Variants in PXK observed in about 807,000 individuals in gnomAD.
PXK encodes the protein PX domain-containing protein kinase-like protein.
PXK carries 35 observed loss-of-function variants against 84.7 expected under a neutral mutation model. The observed-to-expected ratio is 0.41, with a 90% CI of 0.32 to 0.55. The LOEUF (loss-of-function observed/expected upper bound fraction) is 0.55. PXK is among the 20% of genes least tolerant of loss of function. The pLI is 0.21. For missense variants in PXK, 634 were observed against 699.7 expected (o/e 0.91, Z 1.06); for synonymous variants, 253 against 260.8 (o/e 0.97, Z 0.29).
intron 3 of PXK, among the ~76,000 whole-genome samples, chr3:58,377,605 TA>T (rs536644701): frequency 2.1e-3 from 253 of 118,072 alleles, no homozygotes; most frequent in East Asian, 3.5e-3. Flanking sequence ...TATCTCTTTC[TA>T]AAAAAAAAAA....
At chr3:58,346,946 C>T (rs1237727733) in intron 1 of PXK, among the ~76,000 whole-genome samples, 5 of 152,198 alleles carry the variant, frequency 3.3e-5, no homozygotes, top group African/African-American at 9.7e-5. Context: ...TCAAGCCATT[C>T]TCCTTCCTCA....
chr3:58,336,930 C>T (rs1054472344), intron 1 of PXK, among the ~76,000 whole-genome samples: 1 of 152,194 alleles, frequency 6.6e-6, no homozygotes, highest in Non-Finnish European at 1.5e-5. Context: ...CTGCCTCAGC[C>T]TCCCAAGTAG....
In PXK at chr3:58,410,114, A is replaced by G. The variant is rs2059979694; in HGVS notation, c.1420A>G (p.Asn474Asp). 1 of 1,601,222 alleles carries G rather than the reference A, an allele frequency of 6.2e-7. No homozygotes were observed. The highest frequency in any genetic ancestry group is 8.6e-7 in the Non-Finnish European group (1 of 1,168,274). ...RKKSKRSALE[N>D]SEEHSAKYSN... is the part of the protein sequence containing the mutation. ...GAAGTCAAAACGATCTGCTCTTGAA[A>G]ATAGTGAAGAGCATTCAGCGAAGTA... Residue 474 changes from asparagine to aspartate, a missense_variant, in exon 16 of 18, where the codon AAT becomes GAT. This residue lies in a region of PXK where 273 missense variants were observed against 283.6 expected (regional missense o/e 0.96). Transcript: ENST00000356151.
At chr3:58,361,165 G>A (rs1204177992) in intron 1 of PXK, among the ~76,000 whole-genome samples, 4 of 151,534 alleles carry the variant, frequency 2.6e-5, no homozygotes, top group East Asian at 1.9e-4. Flanking sequence ...GAATGTTGGC[G>A]CGCACCTGTA....
chr3:58,386,290 C>CTTTT (rs752411806), intron 4 of PXK, among the ~76,000 whole-genome samples: 36,529 of 81,838 alleles, frequency 0.45, 10,536 homozygotes, highest in East Asian at 0.71. Flanking sequence ...ATCCCCCTTA[C>CTTTT]TTTTTTTTTT....
chr3:58,368,916 AG>A (rs1482902544), intron 2 of PXK, among the ~76,000 whole-genome samples: 1 of 152,180 alleles, frequency 6.6e-6, no homozygotes, highest in African/African-American at 2.4e-5. Context: ...GTCTGTCAAG[AG>A]GGGGAACCCT....
At position 58,409,109 on chromosome 3, in the gene PXK, T is replaced by G. The variant is rs2059810278; in HGVS notation, c.1308+108T>G. On this transcript the variant is annotated intron_variant, in intron 14 of 17. Transcript: ENST00000356151. The surrounding 1 kb of genome is among the most constrained non-coding windows in gnomAD (Gnocchi z 4.2). Reference sequence around the variant, plus strand: ...CCCTCTGCAAATATTTTAAGCATACTTACTCTCAGCCAGCCTTTAGGCTAA... The same window carrying G: ...CCCTCTGCAAATATTTTAAGCATACGTACTCTCAGCCAGCCTTTAGGCTAA... 2 of 841,608 alleles carry G rather than the reference T, an allele frequency of 2.4e-6. No individual in the cohort carries two copies. The highest frequency in any genetic ancestry group is 3.8e-6 in the Non-Finnish European group (2 of 528,458). The allele number at this position is 841,608 out of a possible 1,614,324, so 52.1% of individuals were successfully genotyped here. A position where few individuals can be genotyped will look rare whatever the true frequency, so the allele number is the denominator to read the frequency against.
At chr3:58,408,810 C>T in intron 13 of PXK, 114 bp from the exon 14 acceptor site, 1 of 780,372 alleles carries the variant, frequency 1.3e-6, no homozygotes, top group South Asian at 1.5e-5. Flanking sequence ...GCATGAGCCA[C>T]CGCGCCCGGC....
intron 4 of PXK, among the ~76,000 whole-genome samples, chr3:58,389,537 A>T (rs1359535829): frequency 6.6e-6 from 1 of 152,136 alleles, no homozygotes; most frequent in Non-Finnish European, 1.5e-5. Context: ...ATAGAATTGC[A>T]GTGGGCTGCG....
Position 58,379,355 on chromosome 3 carries a change from C to T in PXK, c.202-3159C>T, listed in dbSNP as rs2098476410. 1 of 153,288 alleles carries T rather than the reference C, an allele frequency of 6.5e-6. No homozygotes were observed. The allele number at this position is 153,288 out of a possible 1,614,324, so 9.5% of individuals were successfully genotyped here. The stretch of plus-strand genomic sequence containing the variant: ...AGTTTCACCTACTTGGTGTAAGTTG[C>T]TCTTTAATTGTCTTCCTGTGGATAT... On this transcript the variant is annotated intron_variant, in intron 3 of 17. Transcript: ENST00000356151. This position sits in a 1 kb window ranked among gnomAD's most constrained non-coding sequence, Gnocchi z 5.1.
chr3:58,407,426 T>G lies in PXK; in HGVS notation c.1231-1498T>G, dbSNP rs57925583. ...ATATTTTGTTGTTGAGTTGTTGGAG[T>G]TCCTTTATATATTCTGGATATTAAC... On this transcript the variant is annotated intron_variant, in intron 13 of 17. Transcript: ENST00000356151. This position sits in a 1 kb window ranked among gnomAD's most constrained non-coding sequence, Gnocchi z 4.3. Among the ~76,000 whole-genome samples the G allele has an allele frequency of 0.23, 35,100 of 152,038 alleles. 5,983 individuals carry two copies. The highest frequency in any genetic ancestry group is 0.81 in the East Asian group (4,179 of 5,172).
At chr3:58,404,997 TA>T (rs2059167473) in intron 13 of PXK, among the ~76,000 whole-genome samples, 1 of 152,186 alleles carries the variant, frequency 6.6e-6, no homozygotes, top group Non-Finnish European at 1.5e-5. Flanking sequence ...GCCTTGTCAA[TA>T]AATATATTCT....
chr3:58,423,952 G>A (rs12486031), intron 17 of PXK, among the ~76,000 whole-genome samples: 35,965 of 152,116 alleles, frequency 0.24, 5,967 homozygotes, highest in East Asian at 0.8. Flanking sequence ...GGTACAGCAC[G>A]ACATTCTAGT....
chr3:58,403,820 C>G (rs1487843173), intron 12 of PXK, 42 bp from the exon 13 acceptor site: 2 of 1,372,782 alleles, frequency 1.5e-6, no homozygotes, highest in East Asian at 2.4e-5. Context: ...TGAGAGTGCA[C>G]GTGGTTCAAG....
At position 58,390,909 on chromosome 3, in the gene PXK, C is replaced by T. The variant is rs1235585562; in HGVS notation, c.467-238C>T. 6.6e-6 allele frequency among the ~76,000 whole-genome samples: 1 copy of T among 152,194 alleles called. No individual in the cohort carries two copies. The highest frequency in any genetic ancestry group is 1.5e-5 in the Non-Finnish European group (1 of 68,034). On this transcript the variant is annotated intron_variant, in intron 5 of 17. Transcript: ENST00000356151. This position sits in a 1 kb window ranked among gnomAD's most constrained non-coding sequence, Gnocchi z 4.2. ...ATTCCTTCTTCATCTATCTTTTTCA[C>T]TACATCTAAACTGAAGTGCTACTTT...
chr3:58,380,080 A>T (rs76750353), intron 3 of PXK, among the ~76,000 whole-genome samples: 2 of 152,302 alleles, frequency 1.3e-5, no homozygotes, highest in East Asian at 3.9e-4. Flanking sequence ...AGAAAGCAGA[A>T]GGCATGGAGG....
At chr3:58,356,562 A>T (rs1311441003) in intron 1 of PXK, among the ~76,000 whole-genome samples, 1 of 151,622 alleles carries the variant, frequency 6.6e-6, no homozygotes, top group Non-Finnish European at 1.5e-5. Flanking sequence ...CTTTACTTTA[A>T]TAAGAGCTAC....
intron 1 of PXK, among the ~76,000 whole-genome samples, chr3:58,347,585 T>G (rs574481935): frequency 6.6e-6 from 1 of 152,364 alleles, no homozygotes; most frequent in South Asian, 2.1e-4. Context: ...CTGAGTAGTA[T>G]TCCATTGTAT....
chr3:58,361,166 C>T (rs67549097), intron 1 of PXK, among the ~76,000 whole-genome samples: 34,505 of 151,250 alleles, frequency 0.23, 5,858 homozygotes, highest in East Asian at 0.81. Context: ...AATGTTGGCG[C>T]GCACCTGTAA....
Sources: gnomAD v4.1 joint callset for allele counts (sites outside exome capture counted in the v4.1 genomes callset) on GRCh38, gnomAD v4.1.1 for gene constraint, gnomAD v4.1.1 regional missense constraint, Gnocchi (gnomAD v3.1) non-coding constraint, MANE v1.5 for transcripts, NCBI Gene and HGNC (gene_info 2026-07-23, HGNC 2026-07-21) for gene names.